NCOR1: variants seen among roughly 807,000 people sequenced by gnomAD.
The protein encoded by NCOR1 is nuclear receptor corepressor 1, also known as protein phosphatase 1, regulatory subunit 109.
Under a neutral mutation model 288.1 loss-of-function variants are expected in NCOR1, and 63 were observed. That is an observed-to-expected ratio of 0.22 (90% CI 0.18 to 0.27). The LOEUF (loss-of-function observed/expected upper bound fraction) is 0.27. Among genes scored for constraint, NCOR1 ranks in the 10% least tolerant of loss-of-function variants. NCOR1 has a pLI of 1.00. For synonymous variants in NCOR1, 1,007 were observed against 1,065.9 expected, an observed-to-expected ratio of 0.94 and a Z score of 1.08; for missense variants, 2,397 against 3,019.2, an observed-to-expected ratio of 0.79 and a Z score of 4.83.
chr17:16,102,345 C>T (rs1014278789), intron 19 of NCOR1, among the ~76,000 whole-genome samples: 8 of 151,906 alleles, frequency 5.3e-5, no homozygotes, highest in South Asian at 2.1e-4. Flanking sequence ...TGCAATGGTG[C>T]GATCTCGGCT....
Position 16,164,947 on chromosome 17 carries a change from ATTC to A in NCOR1, c.618+29_618+31del, listed in dbSNP as rs752408887. 2.1e-6 allele frequency: 3 copies of A among 1,433,690 alleles called. No homozygotes were observed. The African/African-American group carries it at 4.4e-5, about 21-fold the overall frequency. The allele number at this position is 1,433,690 out of a possible 1,614,324, so 88.8% of individuals were successfully genotyped here. On this transcript the variant is annotated intron_variant, in intron 5 of 45. Coordinates refer to ENST00000268712, the MANE Select transcript of NCOR1 (RefSeq NM_006311.4). ...ATCTACTGTAGGGAGACAAACATAC[ATTC>A]TTAGAATATATTAAGCAAAGACATT... is the stretch of plus-strand genomic sequence containing the variant.
chr17:16,068,396 CA>C, intron 31 of NCOR1: 1 of 360,840 alleles, frequency 2.8e-6, no homozygotes, highest in Non-Finnish European at 5.1e-6. Flanking sequence ...AAATAAAATT[CA>C]ATACTCTTCT....
At chr17:16,176,752 T>C (rs1318513599) in intron 3 of NCOR1, among the ~76,000 whole-genome samples, 3 of 152,106 alleles carry the variant, frequency 2.0e-5, no homozygotes, top group Admixed American at 1.3e-4. Flanking sequence ...GTTTGTAGCC[T>C]GACTCTTCCA....
chr17:16,112,560 A>G (rs143128771), intron 18 of NCOR1, among the ~76,000 whole-genome samples: 4,583 of 152,168 alleles, frequency 0.03, 99 homozygotes, highest in Non-Finnish European at 0.045. Flanking sequence ...CAGTGGCGCG[A>G]TCTCAGCTCA....
chr17:16,049,467 T>G (rs569858595), intron 40 of NCOR1: 1 of 152,480 alleles, frequency 6.6e-6, no homozygotes, highest in African/African-American at 2.4e-5. Flanking sequence ...TCAACATAGG[T>G]TCTAGTTACA....
At chr17:16,180,059 C>T (rs1280362621) in intron 3 of NCOR1, among the ~76,000 whole-genome samples, 1 of 151,844 alleles carries the variant, frequency 6.6e-6, no homozygotes, top group Non-Finnish European at 1.5e-5. Flanking sequence ...TGGGACATAT[C>T]CCTGGCATGC....
At chr17:16,199,758 A>G (rs1026102697) in intron 1 of NCOR1, among the ~76,000 whole-genome samples, 1 of 152,212 alleles carries the variant, frequency 6.6e-6, no homozygotes, top group South Asian at 2.1e-4. Flanking sequence ...AAAAAATTCT[A>G]CGAATTGTTT....
At chr17:16,091,278 T>C (rs970908677) in intron 22 of NCOR1, among the ~76,000 whole-genome samples, 1 of 152,254 alleles carries the variant, frequency 6.6e-6, no homozygotes, top group Non-Finnish European at 1.5e-5. Flanking sequence ...CCACCTGTTA[T>C]ATAACAATAC....
At chr17:16,202,149 G>T (rs1327093286) in intron 1 of NCOR1, among the ~76,000 whole-genome samples, 1 of 151,610 alleles carries the variant, frequency 6.6e-6, no homozygotes. Flanking sequence ...GCTTGAACCC[G>T]GGAGGCAGAG....
chr17:16,166,963 C>T (rs958455293), intron 4 of NCOR1, among the ~76,000 whole-genome samples: 1 of 152,108 alleles, frequency 6.6e-6, no homozygotes, highest in African/African-American at 2.4e-5. Context: ...TATGAGACAG[C>T]GTACTCCTGA....
Position 16,057,932 on chromosome 17 carries a change from A to C in NCOR1, c.6143T>G (p.Leu2048Arg). 6.2e-7 allele frequency: 1 copy of C among 1,611,256 alleles called. No individual in the cohort carries two copies. Among genetic ancestry groups the C allele is most frequent in the South Asian group, 1.1e-5 (1 of 90,348 alleles). Reference sequence around the variant, plus strand: ...ACAGATGTGATCAGCAAGTGTGATCAGCCGATGGGTCCTGGGCACTTGCCC... The same window carrying C: ...ACAGATGTGATCAGCAAGTGTGATCCGCCGATGGGTCCTGGGCACTTGCCC... Reference protein sequence around the residue: ...GMGQVPRTHRLITLADHICQI... With the variant: ...GMGQVPRTHRRITLADHICQI... Residue 2048 changes from leucine (L) to arginine (R), a missense_variant, in exon 39 of 46, where the codon CTG becomes CGG. Leu to Arg is a moderately radical substitution (Grantham distance 102, BLOSUM62 -2). Coordinates refer to ENST00000268712, the MANE Select transcript of NCOR1 (RefSeq NM_006311.4).
rs1484509213 is a variant in NCOR1 at position 16,127,123 on chromosome 17, CTGTATGTATATATACA to C, written c.1510-933_1510-918del. Among the ~76,000 whole-genome samples the C allele has an allele frequency of 2.4e-5, 3 of 125,542 alleles. No individual in the cohort carries two copies. The East Asian group carries it at 6.8e-4, about 29-fold the overall frequency. The allele number at this position is 125,542 out of a possible 152,430, so 82.4% of individuals were successfully genotyped here. A position where few individuals can be genotyped will look rare whatever the true frequency, so the allele number is the denominator to read the frequency against. Reference sequence around the variant, plus strand: ...GGTGTGTGTGTGTATATGTATATATCTGTATGTATATATACATGTATGTATATATCTGTATGTATAT... The same window carrying C: ...GGTGTGTGTGTGTATATGTATATATCTGTATGTATATATCTGTATGTATAT... On this transcript the variant is annotated intron_variant, in intron 14 of 45. Transcript: ENST00000268712.
intron 37 of NCOR1, among the ~76,000 whole-genome samples, chr17:16,060,041 G>A (rs890960323): frequency 2.0e-5 from 3 of 152,278 alleles, no homozygotes; most frequent in Admixed American, 2.0e-4. Flanking sequence ...TATTCACTCA[G>A]TAGAAAGTCG....
In NCOR1 at chr17:16,034,796, C is replaced by T. The variant is rs1597549303; in HGVS notation, c.7104G>A (p.Gly2368=). 6.2e-7 allele frequency: 1 copy of T among 1,613,838 alleles called. No homozygotes were observed. The highest frequency in any genetic ancestry group is 2.2e-5 in the East Asian group (1 of 44,868). The change falls in exon 45 of 46, where the codon GGG becomes GGA. Residue 2368 remains glycine (G), a synonymous_variant. Coordinates refer to ENST00000268712, the MANE Select transcript of NCOR1 (RefSeq NM_006311.4). The part of the protein sequence containing the change: ...SEGDYHRQTP[G]WAWEDRPSST... ...AAGAGGGCCTGTCTTCCCAGGCCCA[C>T]CCTGGCGTCTGCCTATGGTAATCCC...
At chr17:16,038,625 C>T (rs2056925098) in intron 44 of NCOR1, among the ~76,000 whole-genome samples, 1 of 151,908 alleles carries the variant, frequency 6.6e-6, no homozygotes, top group African/African-American at 2.4e-5. Flanking sequence ...TTTGTAGAGA[C>T]GGGGTTTTCA....
intron 42 of NCOR1, among the ~76,000 whole-genome samples, chr17:16,045,818 A>ATT (rs57077883): frequency 8.7e-5 from 13 of 149,572 alleles, no homozygotes; most frequent in African/African-American, 3.2e-4. Flanking sequence ...TTTAAAAAAA[A>ATT]TTTTTTTTTT....
intron 19 of NCOR1, 180 bp from the exon 20 acceptor site, chr17:16,101,937 A>C: frequency 1.3e-6 from 1 of 767,154 alleles, no homozygotes; most frequent in Non-Finnish European, 2.0e-6. Context: ...ATTTACAGCC[A>C]TTGAGAAGGC....
At chr17:16,035,333 G>A (rs1414011707) in intron 44 of NCOR1, among the ~76,000 whole-genome samples, 1 of 151,188 alleles carries the variant, frequency 6.6e-6, no homozygotes, top group Non-Finnish European at 1.5e-5. Flanking sequence ...TTATTAACTG[G>A]GTTTATGTAA....
chr17:16,137,854 G>A (rs2076638975), intron 13 of NCOR1: 1 of 295,080 alleles, frequency 3.4e-6, no homozygotes, highest in African/African-American at 2.2e-5. Context: ...TTAGTATTAT[G>A]TGCTGCTGAA....
Sources: gnomAD v4.1 joint callset for allele counts (sites outside exome capture counted in the v4.1 genomes callset) on GRCh38, gnomAD v4.1.1 for gene constraint, MANE v1.5 for transcripts, NCBI Gene and HGNC (gene_info 2026-07-23, HGNC 2026-07-21) for gene names.